TYW5: variants seen among roughly 807,000 people sequenced by gnomAD.
TYW5 encodes the protein tRNA-yW synthesizing protein 5, also known as tRNA wybutosine-synthesizing protein 5.
Under a neutral mutation model 44.4 loss-of-function variants are expected in TYW5, and 36 were observed. That is an observed-to-expected ratio of 0.81 (90% CI 0.62 to 1.07). TYW5 has a LOEUF of 1.07. TYW5 is among the 50% of genes least tolerant of loss of function. The pLI is 0.00. For synonymous variants in TYW5, 121 were observed against 128.1 expected, an observed-to-expected ratio of 0.94 and a Z score of 0.37; for missense variants, 354 against 365.7, an observed-to-expected ratio of 0.97 and a Z score of 0.26.
At chr2:199,949,598 C>T (rs2077529401) in intron 1 of TYW5, among the ~76,000 whole-genome samples, 1 of 152,140 alleles carries the variant, frequency 6.6e-6, no homozygotes, top group Non-Finnish European at 1.5e-5. Flanking sequence ...AGAGTATAGG[C>T]CAGCTATTTT....
At chr2:199,941,593 C>G (rs533607353) in intron 3 of TYW5, among the ~76,000 whole-genome samples, 10 of 152,324 alleles carry the variant, frequency 6.6e-5, no homozygotes, top group Non-Finnish European at 1.3e-4. Context: ...AGCACCACAT[C>G]ACATAGATTC....
At chr2:199,934,737 A>G (rs1021172109) in intron 7 of TYW5, among the ~76,000 whole-genome samples, 1 of 152,050 alleles carries the variant, frequency 6.6e-6, no homozygotes, top group African/African-American at 2.4e-5. Context: ...CTATAAATAG[A>G]ATTTGTTAAT....
intron 3 of TYW5, among the ~76,000 whole-genome samples, chr2:199,940,373 C>T (rs2077454093): frequency 1.3e-5 from 2 of 152,158 alleles, no homozygotes; most frequent in African/African-American, 4.8e-5. Context: ...TCAATTATCG[C>T]TGGGCGTGGT....
At chr2:199,940,685 G>A (rs2077456870) in intron 3 of TYW5, among the ~76,000 whole-genome samples, 1 of 151,546 alleles carries the variant, frequency 6.6e-6, no homozygotes. Flanking sequence ...ATGAAGAAAT[G>A]TCTTTAATAT....
chr2:199,935,778 GCACA>G (rs113790179), intron 7 of TYW5, among the ~76,000 whole-genome samples, 149 bp downstream of exon 7: 11 of 121,710 alleles, frequency 9.0e-5, no homozygotes, highest in South Asian at 2.6e-4. Flanking sequence ...ACACACACAC[GCACA>G]CACAGAGTTT....
chr2:199,950,017 T>C lies in TYW5; in HGVS notation c.79-1545A>G, dbSNP rs982271064. ...CAAAAAAAAAGAACCCGACGTCTTT[T>C]ATACTTTCTCTGCCCAGCCCTGTGA... is the stretch of plus-strand genomic sequence containing the variant. On this transcript the variant is annotated intron_variant, in intron 1 of 7. Coordinates refer to ENST00000354611, the MANE Select transcript of TYW5 (RefSeq NM_001039693.3). 1.1e-4 allele frequency among the ~76,000 whole-genome samples: 17 copies of C among 152,284 alleles called. 1 individual carries two copies. In the East Asian group the frequency reaches 1.9e-3, roughly 17 times the overall value.
chr2:199,943,718 G>T, intron 3 of TYW5, 47 bp downstream of exon 3: 1 of 1,419,468 alleles, frequency 7.0e-7, no homozygotes, highest in Non-Finnish European at 9.8e-7. Flanking sequence ...AATCCATTTA[G>T]TATATAGATA....
Position 199,943,803 on chromosome 2 carries a change from C to T in TYW5, c.265G>A (p.Ala89Thr). The change falls in exon 3 of 8, where the codon GCA becomes ACA. Residue 89 changes from alanine to threonine, a missense_variant. Physicochemically the swap from Ala to Thr is moderately conservative, Grantham distance 58 (BLOSUM62 0). Transcript: ENST00000354611. ...TLPFDQLVQR[A>T]AEEKHKEFFV... ...AATTCTTTATGTTTCTCTTCAGCTG[C>T]CCTCTGGACCAACTGGTCAAAAGGT... The T allele has an allele frequency of 6.2e-7, 1 of 1,610,306 alleles. No individual in the cohort carries two copies. Among genetic ancestry groups the T allele is most frequent in the Non-Finnish European group, 8.5e-7 (1 of 1,179,168 alleles).
intron 2 of TYW5, chr2:199,945,324 C>T (rs569528668): frequency 6.6e-6 from 1 of 152,220 alleles, no homozygotes; most frequent in African/African-American, 2.4e-5. Context: ...TATATCCTCC[C>T]GCAAAAAGCT....
chr2:199,935,618 T>C (rs1475598577), intron 7 of TYW5, among the ~76,000 whole-genome samples: 1 of 143,290 alleles, frequency 7.0e-6, no homozygotes, highest in Admixed American at 6.9e-5. Context: ...AAAGTTCAAG[T>C]TGGGAGGATT....
At chr2:199,955,305 T>G (rs1261870836) in intron 1 of TYW5, 88 bp downstream of exon 1, 3 of 1,451,056 alleles carry the variant, frequency 2.1e-6, no homozygotes, top group East Asian at 4.9e-5. Flanking sequence ...ACACCCTGGG[T>G]CTCTAAAAAC....
intron 3 of TYW5, 109 bp downstream of exon 3, chr2:199,943,656 G>T (rs1351665851): frequency 1.2e-6 from 1 of 830,478 alleles, no homozygotes; most frequent in East Asian, 2.8e-5. Flanking sequence ...TCTTACGAAT[G>T]TCTATCAGAG....
rs1379910236 is a variant in TYW5, at chr2:199,929,340, AAAAAT to A, written c.*3722_*3726del. On this transcript the variant is annotated 3_prime_UTR_variant, in exon 8 of 8. Coordinates refer to ENST00000354611, the MANE Select transcript of TYW5 (RefSeq NM_001039693.3). ...ACCCTAGAACTTAAAAGTATAATAA[AAAAAT>A]AAATAGAGACTACAACTTAGGTATA... Among the ~76,000 whole-genome samples, 1 of 151,996 alleles carries A rather than the reference AAAAAT, an allele frequency of 6.6e-6. No homozygotes were observed. Among genetic ancestry groups the A allele is most frequent in the African/African-American group, 2.4e-5 (1 of 41,424 alleles).
At chr2:199,955,286 C>G (rs957318397) in intron 1 of TYW5, 107 bp downstream of exon 1, 2 of 1,310,412 alleles carry the variant, frequency 1.5e-6, no homozygotes, top group African/African-American at 2.9e-5. Context: ...CGTCCTGCGC[C>G]TCTTTCCCAC....
chr2:199,949,718 C>A (rs903173975), intron 1 of TYW5, among the ~76,000 whole-genome samples: 1 of 152,220 alleles, frequency 6.6e-6, no homozygotes, highest in East Asian at 1.9e-4. Context: ...GCCTTCTCAG[C>A]ATGCCACATC....
chr2:199,954,930 T>C (rs560964599), intron 1 of TYW5, among the ~76,000 whole-genome samples: 1 of 152,330 alleles, frequency 6.6e-6, no homozygotes, highest in Non-Finnish European at 1.5e-5. Context: ...ATGAGTTTTC[T>C]TTTAAAGACC....
At position 199,943,847 on chromosome 2, in the gene TYW5, C is replaced by G. The variant is rs769292942; in HGVS notation, c.234-13G>C. 91 of 1,598,630 alleles carry G rather than the reference C, an allele frequency of 5.7e-5. No homozygotes were observed. Among genetic ancestry groups the G allele is most frequent in the Middle Eastern group, 3.3e-4 (2 of 6,022 alleles). On this transcript the variant is annotated splice_polypyrimidine_tract_variant and intron_variant, in intron 2 of 7. Transcript: ENST00000354611. ...AAAAGGTAAAGTTCTGAAATAAACACAAAGGAATCCTTGGACTTAATAATA... is the reference window on the plus strand; with the variant it reads ...AAAAGGTAAAGTTCTGAAATAAACAGAAAGGAATCCTTGGACTTAATAATA...
In TYW5 at chr2:199,930,850, C is replaced by T. The variant is rs2077371732; in HGVS notation, c.*2217G>A. 6.6e-6 allele frequency: 1 copy of T among 152,160 alleles called. No homozygotes were observed. Among genetic ancestry groups the T allele is most frequent in the Non-Finnish European group, 1.5e-5 (1 of 68,040 alleles). 9.4% of individuals were successfully genotyped at this position (152,160 alleles called of 1,614,324 possible). A position where few individuals can be genotyped will look rare whatever the true frequency, so the allele number is the denominator to read the frequency against. On this transcript the variant is annotated 3_prime_UTR_variant, in exon 8 of 8. Coordinates refer to ENST00000354611, the MANE Select transcript of TYW5 (RefSeq NM_001039693.3). ...TGAACCCAGACAATCATTAAGCAATCTGGGTTGGTTAGATGGCTTCTAAGA... is the reference window on the plus strand; with the variant it reads ...TGAACCCAGACAATCATTAAGCAATTTGGGTTGGTTAGATGGCTTCTAAGA...
chr2:199,931,359 T>C lies in TYW5; in HGVS notation c.*1708A>G, dbSNP rs2077376248. On this transcript the variant is annotated 3_prime_UTR_variant, in exon 8 of 8. Coordinates refer to ENST00000354611, the MANE Select transcript of TYW5 (RefSeq NM_001039693.3). ...AGTGCACAAACTGTAATCTGTTTTATTAATACTTCCAAGTTTTCTACATGA... is the reference window on the plus strand; with the variant it reads ...AGTGCACAAACTGTAATCTGTTTTACTAATACTTCCAAGTTTTCTACATGA... The C allele has an allele frequency of 6.6e-6, 1 of 152,218 alleles. No homozygotes were observed. The highest frequency in any genetic ancestry group is 6.5e-5 in the Admixed American group (1 of 15,276). 9.4% of individuals were successfully genotyped at this position (152,218 alleles called of 1,614,324 possible).
Sources: allele counts gnomAD v4.1 joint callset (sites outside exome capture counted in the v4.1 genomes callset), GRCh38; gene constraint gnomAD v4.1.1; transcripts MANE v1.5; gene names NCBI Gene and HGNC (gene_info 2026-07-23, HGNC 2026-07-21).